The following ITGA9 variants were observed in gnomAD, a reference collection of about 807,000 sequenced individuals.
The protein encoded by ITGA9 is integrin subunit alpha 9.
ITGA9 carries 56 observed loss-of-function variants against 127.8 expected under a neutral mutation model. The ratio of observed to expected loss-of-function variants is 0.44; its 90% CI spans 0.35 to 0.55. The LOEUF is 0.55. Among genes scored for constraint, ITGA9 ranks in the 20% least tolerant of loss-of-function variants. The pLI, the probability that ITGA9 is intolerant of heterozygous loss-of-function variation, is 0.00. For missense variants in ITGA9, 1,196 were observed against 1,347.1 expected (o/e 0.89, Z 1.76); for synonymous variants, 508 against 514.5 (o/e 0.99, Z 0.17).
chr3:37,543,696 T>G (rs1699298209), intron 15 of ITGA9, among the ~76,000 whole-genome samples: 1 of 151,882 alleles, frequency 6.6e-6, no homozygotes, highest in African/African-American at 2.4e-5. Flanking sequence ...TGAAGTGTCC[T>G]CCTGTTAGTG....
At chr3:37,501,495 C>G (rs1329824183) in intron 5 of ITGA9, among the ~76,000 whole-genome samples, 1 of 152,060 alleles carries the variant, frequency 6.6e-6, no homozygotes. Context: ...TGAGTTTTGA[C>G]AAATGTGTAT....
At chr3:37,593,715 C>T (rs927213693) in intron 15 of ITGA9, among the ~76,000 whole-genome samples, 2 of 152,238 alleles carry the variant, frequency 1.3e-5, no homozygotes, top group African/African-American at 2.4e-5. Context: ...ATTCAGTCCA[C>T]GGCATCCAGT....
rs539493510 is a variant in ITGA9 at position 37,677,993 on chromosome 3, A to C, written c.1917-5872A>C. 4.6e-5 allele frequency among the ~76,000 whole-genome samples: 7 copies of C among 152,306 alleles called. No individual in the cohort carries two copies. In the East Asian group the frequency reaches 1.2e-3, roughly 25 times the overall value. ...TAGGAAGAATAAAATCTGCTTCACA[A>C]TGTCCTTTTTGGTATGATTTCCATG... On this transcript the variant is annotated intron_variant, in intron 17 of 27. Transcript: ENST00000264741.
chr3:37,802,101 G>A (rs992998852), intron 26 of ITGA9, among the ~76,000 whole-genome samples: 2 of 152,132 alleles, frequency 1.3e-5, no homozygotes, highest in African/African-American at 2.4e-5. Context: ...GGTTCAAATC[G>A]TGACTGTGCA....
intron 23 of ITGA9, among the ~76,000 whole-genome samples, chr3:37,768,954 C>CCT (rs1696810949): frequency 6.6e-6 from 1 of 151,992 alleles, no homozygotes; most frequent in South Asian, 2.1e-4. Context: ...CTTTGGTGAC[C>CCT]CTCCCTATCC....
In ITGA9 at chr3:37,819,269, C is replaced by T; in HGVS notation, c.*280C>T. On this transcript the variant is annotated 3_prime_UTR_variant, in exon 28 of 28. Transcript: ENST00000264741. ...TATGGATGCAACACGCATGGTCAAC[C>T]CTCAGGGGAAAACTGTTACCTAAAG... 2.0e-6 allele frequency: 1 copy of T among 502,616 alleles called. No individual in the cohort carries two copies. The highest frequency in any genetic ancestry group is 3.6e-6 in the Non-Finnish European group (1 of 279,848). 31.1% of individuals were successfully genotyped at this position (502,616 alleles called of 1,614,324 possible).
chr3:37,785,801 A>G (rs187899818), intron 26 of ITGA9, among the ~76,000 whole-genome samples: 1 of 152,308 alleles, frequency 6.6e-6, no homozygotes, highest in African/African-American at 2.4e-5. Context: ...AATGACTTAA[A>G]GAGATTACAT....
chr3:37,729,902 C>T (rs1696266200), intron 18 of ITGA9, among the ~76,000 whole-genome samples: 1 of 152,044 alleles, frequency 6.6e-6, no homozygotes, highest in Non-Finnish European at 1.5e-5. Context: ...CAGGGTTTCA[C>T]CATGTTGGCC....
intron 18 of ITGA9, among the ~76,000 whole-genome samples, chr3:37,729,397 A>G (rs1696258691): frequency 6.6e-6 from 1 of 151,990 alleles, no homozygotes; most frequent in Admixed American, 6.6e-5. Flanking sequence ...TCTTTGGTTT[A>G]CTCTTTTGGC....
chr3:37,611,976 G>A (rs987484582), intron 15 of ITGA9, among the ~76,000 whole-genome samples: 2 of 152,046 alleles, frequency 1.3e-5, no homozygotes, highest in Non-Finnish European at 2.9e-5. Flanking sequence ...ATCTATCCAG[G>A]ACCAAATTCT....
At chr3:37,653,368 A>G (rs1489519030) in intron 16 of ITGA9, among the ~76,000 whole-genome samples, 13 of 152,186 alleles carry the variant, frequency 8.5e-5, no homozygotes, top group Non-Finnish European at 1.5e-5. Flanking sequence ...ATTATCATTC[A>G]TCTAAGAGCA....
At chr3:37,635,257 A>C (rs1414357433) in intron 16 of ITGA9, among the ~76,000 whole-genome samples, 2 of 152,236 alleles carry the variant, frequency 1.3e-5, no homozygotes, top group African/African-American at 4.8e-5. Context: ...GAACCATAAT[A>C]AAATTAGCAC....
At chr3:37,698,210 A>G (rs898710356) in intron 18 of ITGA9, among the ~76,000 whole-genome samples, 24 of 151,868 alleles carry the variant, frequency 1.6e-4, no homozygotes, top group African/African-American at 5.8e-4. Flanking sequence ...ACATTTGTTT[A>G]AGTTCTTTGT....
rs977186323 is a variant in ITGA9, at chr3:37,799,909, G to A, written c.2890-3914G>A. 3.3e-5 allele frequency among the ~76,000 whole-genome samples: 5 copies of A among 152,152 alleles called. 1 individual carries two copies. Among genetic ancestry groups the A allele is most frequent in the African/African-American group, 1.2e-4 (5 of 41,416 alleles). On this transcript the variant is annotated intron_variant, in intron 26 of 27. Transcript: ENST00000264741. The surrounding 1 kb of genome is among the most constrained non-coding windows in gnomAD (Gnocchi z 4.0). ...GCCTCTCCATGTCGTCCATGCTGCT[G>A]TTCCTTCCTTAGAGTTTTGTTTTTT...
At chr3:37,504,865 A>G (rs1199079034) in intron 6 of ITGA9, among the ~76,000 whole-genome samples, 3 of 152,142 alleles carry the variant, frequency 2.0e-5, no homozygotes, top group Non-Finnish European at 4.4e-5. Context: ...ACAACTTACA[A>G]TCACTTTAGG....
At chr3:37,552,256 C>T (rs1314865616) in intron 15 of ITGA9, among the ~76,000 whole-genome samples, 1 of 152,144 alleles carries the variant, frequency 6.6e-6, no homozygotes, top group East Asian at 1.9e-4. Context: ...ACTTATTCCT[C>T]TGTCATGTAT....
chr3:37,730,948 C>T (rs1425451515), intron 18 of ITGA9, among the ~76,000 whole-genome samples: 3 of 152,150 alleles, frequency 2.0e-5, no homozygotes, highest in African/African-American at 7.2e-5. Context: ...AAAATGGAAG[C>T]TGGGATCTTA....
At position 37,819,817 on chromosome 3, in the gene ITGA9, C is replaced by G. The variant is rs1194150204; in HGVS notation, c.*828C>G. ...GCTTGGAGCAATGCCATGTGGTCATCTGGTAAACCTCAGAATGGCGTCTCA... is the reference window on the plus strand; with the variant it reads ...GCTTGGAGCAATGCCATGTGGTCATGTGGTAAACCTCAGAATGGCGTCTCA... On this transcript the variant is annotated 3_prime_UTR_variant, in exon 28 of 28. Coordinates refer to ENST00000264741, the MANE Select transcript of ITGA9 (RefSeq NM_002207.3). 6 of 152,258 alleles carry G rather than the reference C, an allele frequency of 3.9e-5. No homozygotes were observed. 9.4% of individuals were successfully genotyped at this position (152,258 alleles called of 1,614,324 possible).
intron 15 of ITGA9, among the ~76,000 whole-genome samples, chr3:37,553,092 C>T (rs569861052): frequency 5.9e-5 from 9 of 151,918 alleles, no homozygotes; most frequent in South Asian, 2.1e-4. Flanking sequence ...AAAGAAATAC[C>T]GTAAATTCTT....
Sources: gnomAD v4.1 joint callset for allele counts (sites outside exome capture counted in the v4.1 genomes callset) on GRCh38, gnomAD v4.1.1 for gene constraint, Gnocchi (gnomAD v3.1) non-coding constraint, MANE v1.5 for transcripts, NCBI Gene and HGNC (gene_info 2026-07-23, HGNC 2026-07-21) for gene names.